The following AGBL4 variants were observed in gnomAD, a reference collection of about 807,000 sequenced individuals.
The protein encoded by AGBL4 is AGBL carboxypeptidase 4.
In AGBL4, 58 loss-of-function variants were observed where a neutral mutation model predicts 66.4. The ratio of observed to expected loss-of-function variants is 0.87; its 90% CI spans 0.71 to 1.09. The LOEUF (loss-of-function observed/expected upper bound fraction) is 1.09. AGBL4 is among the 50% of genes least tolerant of loss of function. AGBL4 has a pLI of 0.00. For missense variants in AGBL4, 579 were observed against 631.0 expected (o/e 0.92, Z 0.88); for synonymous variants, 234 against 222.9 (o/e 1.05, Z -0.44).
the AGBL4 span, among the ~76,000 whole-genome samples, chr1:48,525,902 G>A: frequency 6.6e-6 from 1 of 152,200 alleles, no homozygotes; most frequent in East Asian, 1.9e-4. Context: ...TAACGCAGGA[G>A]TGTGGGAGAG....
intron 5 of AGBL4, among the ~76,000 whole-genome samples, chr1:48,958,731 T>G (rs770871431): frequency 6.6e-6 from 1 of 152,228 alleles, no homozygotes; most frequent in Non-Finnish European, 1.5e-5. Flanking sequence ...AGACCACTCC[T>G]CATATTTCCC....
chr1:49,526,438 G>A lies in AGBL4; in HGVS notation c.282+170875C>T, dbSNP rs1650668644. Among the ~76,000 whole-genome samples, 3 of 151,930 alleles carry A rather than the reference G, an allele frequency of 2.0e-5. No homozygotes were observed. In the South Asian group the frequency reaches 6.2e-4, roughly 32 times the overall value. On this transcript the variant is annotated intron_variant, in intron 3 of 13. Coordinates refer to ENST00000371839, the MANE Select transcript of AGBL4 (RefSeq NM_032785.4). ...TGTGACCAGAACAATACATTTGAAA[G>A]CTGCATAATATAAATTGCCTTTGCT...
At chr1:49,670,416 A>G (rs1646453670) in intron 3 of AGBL4, among the ~76,000 whole-genome samples, 2 of 152,200 alleles carry the variant, frequency 1.3e-5, no homozygotes, top group African/African-American at 2.4e-5. Context: ...AACTTTGTAG[A>G]AAACAAATAG....
chr1:48,905,387 A>G (rs1014121241), intron 5 of AGBL4, among the ~76,000 whole-genome samples: 2 of 152,264 alleles, frequency 1.3e-5, no homozygotes, highest in Non-Finnish European at 2.9e-5. Flanking sequence ...TCTTCAAAAC[A>G]TAGTCAAAAA....
At chr1:49,960,874 A>G (rs1286183937) in intron 1 of AGBL4, among the ~76,000 whole-genome samples, 1 of 152,102 alleles carries the variant, frequency 6.6e-6, no homozygotes, top group East Asian at 1.9e-4. Context: ...AATCTAAAAG[A>G]CCACAGTATG....
intron 4 of AGBL4, among the ~76,000 whole-genome samples, chr1:49,073,031 C>T (rs910201353): frequency 3.0e-4 from 46 of 152,120 alleles, no homozygotes; most frequent in African/African-American, 1.1e-3. Flanking sequence ...TTCACTTGAT[C>T]AATTCAGCTA....
At chr1:49,202,290 T>C (rs546908073) in intron 4 of AGBL4, among the ~76,000 whole-genome samples, 4 of 152,244 alleles carry the variant, frequency 2.6e-5, no homozygotes, top group East Asian at 1.9e-4. Context: ...TTTGCCCATA[T>C]AGAATATCAA....
At chr1:49,720,974 G>T (rs1436541467) in intron 2 of AGBL4, among the ~76,000 whole-genome samples, 1 of 152,108 alleles carries the variant, frequency 6.6e-6, no homozygotes, top group African/African-American at 2.4e-5. Context: ...GGCGAAGCCA[G>T]CTGGACTTCC....
In AGBL4 at chr1:48,679,101, G is replaced by T. The variant is rs74349602; in HGVS notation, c.635-15860C>A. On this transcript the variant is annotated intron_variant, in intron 6 of 13. Coordinates refer to ENST00000371839, the MANE Select transcript of AGBL4 (RefSeq NM_032785.4). Reference sequence around the variant, plus strand: ...TGAGGGAAGCACGGGGTACTGGGGAGCCCAGAGGGAACCCCCTGGCTCAGC... The same window carrying T: ...TGAGGGAAGCACGGGGTACTGGGGATCCCAGAGGGAACCCCCTGGCTCAGC... 1.4e-3 allele frequency among the ~76,000 whole-genome samples: 212 copies of T among 152,342 alleles called. 1 individual carries two copies. The highest frequency in any genetic ancestry group is 4.6e-3 in the African/African-American group (192 of 41,574).
At chr1:48,539,603 G>T in intron 12 of AGBL4, 39 bp downstream of exon 12, 2 of 1,468,752 alleles carry the variant, frequency 1.4e-6, no homozygotes, top group Non-Finnish European at 1.8e-6. Flanking sequence ...AGCCCGTGGA[G>T]CAGAACTCAA....
chr1:48,834,545 CT>C (rs1646632939), intron 6 of AGBL4, among the ~76,000 whole-genome samples: 1 of 151,984 alleles, frequency 6.6e-6, no homozygotes, highest in Non-Finnish European at 1.5e-5. Flanking sequence ...GGATTAATGT[CT>C]TTATAAGAAG....
chr1:49,354,450 G>T (rs905928969), intron 3 of AGBL4, among the ~76,000 whole-genome samples: 4 of 151,972 alleles, frequency 2.6e-5, no homozygotes, highest in African/African-American at 9.7e-5. Flanking sequence ...ATATTTGTTG[G>T]GTCCTCCTTC....
intron 6 of AGBL4, among the ~76,000 whole-genome samples, chr1:48,767,291 G>A (rs1227033459): frequency 1.3e-5 from 2 of 152,216 alleles, no homozygotes; most frequent in Non-Finnish European, 2.9e-5. Flanking sequence ...GATAGTGCAT[G>A]TAAAAGCACC....
At chr1:49,426,617 T>G (rs1203300769) in intron 3 of AGBL4, among the ~76,000 whole-genome samples, 2 of 152,280 alleles carry the variant, frequency 1.3e-5, no homozygotes. Flanking sequence ...TTCTACTTAT[T>G]TAATACTTGT....
At chr1:50,011,955 C>A (rs1311539927) in intron 1 of AGBL4, among the ~76,000 whole-genome samples, 2 of 151,736 alleles carry the variant, frequency 1.3e-5, no homozygotes, top group Admixed American at 1.3e-4. Flanking sequence ...GTCAGGAGAT[C>A]GAGACCATCC....
At chr1:49,212,147 A>G (rs931643667) in intron 4 of AGBL4, among the ~76,000 whole-genome samples, 1 of 152,096 alleles carries the variant, frequency 6.6e-6, no homozygotes, top group African/African-American at 2.4e-5. Context: ...TATTTCCTCT[A>G]TTCACAGTTG....
chr1:49,400,100 A>G (rs570018691), intron 3 of AGBL4, among the ~76,000 whole-genome samples: 1 of 152,200 alleles, frequency 6.6e-6, no homozygotes, highest in East Asian at 1.9e-4. Flanking sequence ...TCTGCATATG[A>G]ATATCCACTT....
chr1:49,833,489 G>T lies in AGBL4; in HGVS notation c.157+17907C>A, dbSNP rs562424321. 4.0e-4 allele frequency among the ~76,000 whole-genome samples: 60 copies of T among 151,516 alleles called. 2 individuals are homozygous for T. The East Asian group carries it at 5.5e-3, about 14-fold the overall frequency. ...TTGGCGATGCGGGCTCTTTTTTGGT[G>T]CCATATGAACTTTAAAGTAGTTTTT... On this transcript the variant is annotated intron_variant, in intron 2 of 13. Coordinates refer to ENST00000371839, the MANE Select transcript of AGBL4 (RefSeq NM_032785.4).
chr1:49,247,552 TG>T (rs1165452689), intron 3 of AGBL4, among the ~76,000 whole-genome samples: 1 of 152,132 alleles, frequency 6.6e-6, no homozygotes, highest in East Asian at 1.9e-4. Flanking sequence ...AGGGGACAAA[TG>T]GCCTTTGAAC....
Sources: allele counts gnomAD v4.1 joint callset (sites outside exome capture counted in the v4.1 genomes callset), GRCh38; gene constraint gnomAD v4.1.1; transcripts MANE v1.5; gene names NCBI Gene and HGNC (gene_info 2026-07-23, HGNC 2026-07-21).